The following ADGRB1 variants were observed in gnomAD, a reference collection of about 807,000 sequenced individuals.
ADGRB1 encodes brain-specific angiogenesis inhibitor 1.
A neutral mutation model predicts 175.7 loss-of-function variants in ADGRB1; 36 were observed. That is an observed-to-expected ratio of 0.20 (90% confidence interval 0.16 to 0.27). The LOEUF is 0.27. Among genes scored for constraint, ADGRB1 ranks in the 10% least tolerant of loss-of-function variants. The pLI is 1.00. For missense variants in ADGRB1, 1,731 were observed against 2,255.3 expected, an observed-to-expected ratio of 0.77 and a Z score of 4.71; for synonymous variants, 1,054 against 979.4, an observed-to-expected ratio of 1.08 and a Z score of -1.42.
In ADGRB1 at chr8:142,510,648, C is replaced by T. The variant is rs1047131299; in HGVS notation, c.2676-284C>T. 6.9e-6 allele frequency among the ~76,000 whole-genome samples: 1 copy of T among 145,910 alleles called. No homozygotes were observed. The highest frequency in any genetic ancestry group is 1.5e-5 in the Non-Finnish European group (1 of 65,676). ...CGGGCCCCGGGCCAGCTCTCGCCCC[C>T]CGCCCCGCCCCCGATCGCTCGGCTC... On this transcript the variant is annotated intron_variant, in intron 17 of 30. Transcript: ENST00000517894. The surrounding 1 kb of genome is among the most constrained non-coding windows in gnomAD (Gnocchi z 6.3).
chr8:142,533,726 G>A (rs1301775107), intron 25 of ADGRB1, among the ~76,000 whole-genome samples: 3 of 152,184 alleles, frequency 2.0e-5, no homozygotes, highest in Middle Eastern at 3.2e-3. Flanking sequence ...GGGGGCGTGG[G>A]GGACGAAAGC....
At chr8:142,465,006 T>TCGGACAGGGGAGGTGGG in intron 2 of ADGRB1, 24 bp downstream of exon 2, 1 of 1,270,392 alleles carries the variant, frequency 7.9e-7, no homozygotes, top group South Asian at 1.4e-5. Context: ...GGGGAAACCT[T>TCGGACAGGGGAGGTGGG]CGGACAGGGG....
At chr8:142,499,694 C>T (rs954734209) in intron 17 of ADGRB1, among the ~76,000 whole-genome samples, 19 of 152,332 alleles carry the variant, frequency 1.2e-4, no homozygotes, top group African/African-American at 4.3e-4. Flanking sequence ...GGGCCCCTTG[C>T]CTGCGTCCCC....
At position 142,529,651 on chromosome 8, in the gene ADGRB1, CGT is replaced by C. The variant is rs139599954; in HGVS notation, c.3398+3030_3398+3031del. ...ACGTGTGAGCATGCATCTGTATATG[CGT>C]GTGTGAGTGTGCATCTGTGTGTACC... On this transcript the variant is annotated intron_variant, in intron 24 of 30. Transcript: ENST00000517894. Among the ~76,000 whole-genome samples, 624 of 131,056 alleles carry C rather than the reference CGT, an allele frequency of 4.8e-3. 2 individuals carry two copies. The highest frequency in any genetic ancestry group is 6.6e-3 in the Middle Eastern group (1 of 152). The allele number at this position is 131,056 out of a possible 152,430, so 86.0% of individuals were successfully genotyped here. A position where few individuals can be genotyped will look rare whatever the true frequency, so the allele number is the denominator to read the frequency against.
Position 142,537,136 on chromosome 8 carries a change from C to A in ADGRB1, c.3666+54C>A. The A allele has an allele frequency of 7.5e-7, 1 of 1,339,658 alleles. No homozygotes were observed. Among genetic ancestry groups the A allele is most frequent in the Non-Finnish European group, 9.8e-7 (1 of 1,020,596 alleles). 83.0% of individuals were successfully genotyped at this position (1,339,658 alleles called of 1,614,324 possible). A position where few individuals can be genotyped will look rare whatever the true frequency, so the allele number is the denominator to read the frequency against. ...TGCCCTACCTGCCTCGTACCCCCGC[C>A]AAGTGCCTCCAGGCCCTCACCGTGC... On this transcript the variant is annotated intron_variant, in intron 26 of 30. Transcript: ENST00000517894. This position sits in a 1 kb window ranked among gnomAD's most constrained non-coding sequence, Gnocchi z 4.6.
intron 1 of ADGRB1, among the ~76,000 whole-genome samples, chr8:142,459,721 C>T (rs1385528153): frequency 2.0e-5 from 3 of 152,216 alleles, no homozygotes; most frequent in Non-Finnish European, 4.4e-5. Flanking sequence ...CAGGCACACA[C>T]GTATGCACAC....
intron 17 of ADGRB1, among the ~76,000 whole-genome samples, chr8:142,507,085 C>T (rs182238859): frequency 1.2e-4 from 18 of 152,328 alleles, no homozygotes; most frequent in Middle Eastern, 3.4e-3. Context: ...CTTGGACAAT[C>T]GCTGCTTCCC....
chr8:142,480,447 C>T (rs1007874366), intron 9 of ADGRB1, among the ~76,000 whole-genome samples: 1 of 152,084 alleles, frequency 6.6e-6, no homozygotes, highest in African/African-American at 2.4e-5. Flanking sequence ...GTGGCAGGGG[C>T]CCTGTGTTGC....
chr8:142,481,749 G>A, intron 11 of ADGRB1, 38 bp downstream of exon 11: 2 of 1,480,302 alleles, frequency 1.4e-6, no homozygotes, highest in Non-Finnish European at 1.8e-6. Flanking sequence ...GAGGGTGTCG[G>A]GAAGGTGTCT....
At chr8:142,518,923 A>G (rs1843603435) in intron 19 of ADGRB1, among the ~76,000 whole-genome samples, 4 of 152,228 alleles carry the variant, frequency 2.6e-5, no homozygotes, top group Admixed American at 2.6e-4. Context: ...CTCTGCAGGC[A>G]GCGCGATGTC....
At chr8:142,450,216 G>C (rs1260995901) in intron 1 of ADGRB1, 112 bp downstream of exon 1, 1 of 151,972 alleles carries the variant, frequency 6.6e-6, no homozygotes, top group Non-Finnish European at 1.5e-5. Flanking sequence ...CGCCGTTTGG[G>C]GCTTCGCAGC....
chr8:142,481,233 A>G (rs776920292), intron 9 of ADGRB1, 21 bp from the exon 10 acceptor site: 85 of 1,608,336 alleles, frequency 5.3e-5, no homozygotes, highest in Middle Eastern at 3.3e-4. Flanking sequence ...CATCCACCTG[A>G]GAAGGGGATG....
chr8:142,484,847 G>T, intron 13 of ADGRB1, 83 bp downstream of exon 13: 1 of 1,056,860 alleles, frequency 9.5e-7, no homozygotes, highest in Admixed American at 2.2e-5. Context: ...ATCCTCATCT[G>T]TATAAAGGGG....
rs1202726014 is a variant in ADGRB1, at chr8:142,542,809, G to A, written c.4413+162G>A. Among the ~76,000 whole-genome samples the A allele has an allele frequency of 6.6e-6, 1 of 152,102 alleles. No individual in the cohort carries two copies. The highest frequency in any genetic ancestry group is 1.5e-5 in the Non-Finnish European group (1 of 68,000). ...TGGCCCTGCTGGGTGTGCTGTGTAT[G>A]TCTGACGTGTGGTCCCCACCCTAGG... On this transcript the variant is annotated intron_variant, in intron 28 of 30. Transcript: ENST00000517894. This position sits in a 1 kb window ranked among gnomAD's most constrained non-coding sequence, Gnocchi z 6.3.
chr8:142,457,229 C>T (rs369284957), intron 1 of ADGRB1, among the ~76,000 whole-genome samples: 6 of 152,282 alleles, frequency 3.9e-5, no homozygotes, highest in African/African-American at 4.8e-5. Flanking sequence ...CACTAGGAGC[C>T]GGTCGGTCCC....
In ADGRB1 at chr8:142,541,929, C is replaced by G; in HGVS notation, c.3707-12C>G. On this transcript the variant is annotated splice_polypyrimidine_tract_variant and intron_variant, in intron 27 of 30. Transcript: ENST00000517894. ...ACACCTGTCCCCGCTGTCTCCCCCG[C>G]GGCCCCTGCAGTGCTGAACAAGGAC... 1.3e-6 allele frequency: 2 copies of G among 1,534,882 alleles called. No individual in the cohort carries two copies. The highest frequency in any genetic ancestry group is 1.4e-5 in the African/African-American group (1 of 73,080).
Position 142,484,740 on chromosome 8 carries a change from G to A in ADGRB1, c.2284G>A (p.Ala762Thr). 1 of 1,609,790 alleles carries A rather than the reference G, an allele frequency of 6.2e-7. No individual in the cohort carries two copies. ...IGFRMKDLRD[A>T]YQVTDNLVLS... Reference sequence around the variant, plus strand: ...CTTCCGCATGAAGGACCTGAGGGATGCATACCAGGTGACAGACAACCTGGG... The same window carrying A: ...CTTCCGCATGAAGGACCTGAGGGATACATACCAGGTGACAGACAACCTGGG... The change falls in exon 13 of 31, where the codon GCA becomes ACA. Residue 762 changes from alanine to threonine, a missense_variant. By Grantham distance (58) the Ala-to-Thr change is moderately conservative. Coordinates refer to ENST00000517894, the MANE Select transcript of ADGRB1 (RefSeq NM_001702.3).
Position 142,449,649 on chromosome 8 carries a change from G to T in ADGRB1, c.-675G>T, listed in dbSNP as rs1245955234. ...CCTCGCCAGGAAGGGGAAAAAAGGC[G>T]AGAAGAGCCGGGCAGGCGAGAGGAG... On this transcript the variant is annotated 5_prime_UTR_variant, in exon 1 of 31. Transcript: ENST00000517894. 2 of 146,498 alleles carry T rather than the reference G, an allele frequency of 1.4e-5. No homozygotes were observed. Among genetic ancestry groups the T allele is most frequent in the East Asian group, 2.3e-4 (1 of 4,356 alleles). 9.1% of individuals were successfully genotyped at this position (146,498 alleles called of 1,614,324 possible).
intron 17 of ADGRB1, among the ~76,000 whole-genome samples, chr8:142,497,133 G>T (rs1842253823): frequency 6.6e-6 from 1 of 152,230 alleles, no homozygotes; most frequent in South Asian, 2.1e-4. Context: ...CAGCTGAGGA[G>T]ACTGAGGCCC....
Sources: allele counts gnomAD v4.1 joint callset (sites outside exome capture counted in the v4.1 genomes callset), GRCh38; gene constraint gnomAD v4.1.1; non-coding constraint Gnocchi (gnomAD v3.1); transcripts MANE v1.5; gene names NCBI Gene and HGNC (gene_info 2026-07-23, HGNC 2026-07-21).